Variants in PPP2R2B observed in about 807,000 individuals in gnomAD.
PPP2R2B encodes serine/threonine-protein phosphatase 2A 55 kDa regulatory subunit B beta isoform.
PPP2R2B carries 5 observed loss-of-function variants against 46.0 expected under a neutral mutation model. That is an observed-to-expected ratio of 0.11 (90% CI 0.06 to 0.23). PPP2R2B has a LOEUF of 0.23. Ranked by LOEUF, PPP2R2B falls within the 10% of genes least tolerant of loss-of-function variation. The pLI, the probability that PPP2R2B is intolerant of heterozygous loss-of-function variation, is 1.00. For missense variants in PPP2R2B, 367 were observed against 575.0 expected (o/e 0.64, Z 3.70); for synonymous variants, 215 against 206.7 (o/e 1.04, Z -0.34).
At chr5:146,966,911 T>C (rs754770269) in intron 1 of PPP2R2B, among the ~76,000 whole-genome samples, 2 of 152,164 alleles carry the variant, frequency 1.3e-5, no homozygotes, top group Non-Finnish European at 2.9e-5. Flanking sequence ...GGATCAGTAA[T>C]TTCTAGGGCT....
intron 2 of PPP2R2B, among the ~76,000 whole-genome samples, chr5:146,746,241 A>T (rs1189316129): frequency 6.6e-6 from 1 of 152,208 alleles, no homozygotes; most frequent in African/African-American, 2.4e-5. Context: ...CTGCTGCTTT[A>T]TGGTCTCTCA....
At chr5:146,654,418 T>G (rs1776184162) in intron 5 of PPP2R2B, among the ~76,000 whole-genome samples, 1 of 152,226 alleles carries the variant, frequency 6.6e-6, no homozygotes, top group Non-Finnish European at 1.5e-5. Flanking sequence ...ACTGCCATGT[T>G]TGCAAGTCAA....
intron 2 of PPP2R2B, among the ~76,000 whole-genome samples, chr5:147,061,326 C>T (rs1757250442): frequency 6.6e-6 from 1 of 152,010 alleles, no homozygotes; most frequent in Non-Finnish European, 1.5e-5. Context: ...TCAGGGAAGG[C>T]TTCTTGGAGG....
intron 2 of PPP2R2B, among the ~76,000 whole-genome samples, chr5:146,763,661 T>G (rs990177371): frequency 6.6e-5 from 10 of 152,170 alleles, no homozygotes; most frequent in African/African-American, 2.2e-4. Context: ...GTTAAAAGAA[T>G]GCTTACCAAG....
At chr5:146,772,413 T>TGC (rs1183761581) in intron 2 of PPP2R2B, among the ~76,000 whole-genome samples, 41 of 113,070 alleles carry the variant, frequency 3.6e-4, no homozygotes, top group Admixed American at 3.4e-3. Flanking sequence ...TATATATATA[T>TGC]ATATATATAT....
At chr5:147,000,774 G>A (rs1754134287) in intron 1 of PPP2R2B, among the ~76,000 whole-genome samples, 1 of 151,972 alleles carries the variant, frequency 6.6e-6, no homozygotes, top group Admixed American at 6.6e-5. Context: ...ATAGTGTGTG[G>A]TTTTAGCAGT....
At chr5:146,865,960 T>C (rs1350706782) in intron 2 of PPP2R2B, among the ~76,000 whole-genome samples, 2 of 152,218 alleles carry the variant, frequency 1.3e-5, no homozygotes, top group Non-Finnish European at 2.9e-5. Context: ...ATTAATACTG[T>C]TTGGACCTCT....
rs570996541 is a variant in PPP2R2B at position 146,933,916 on chromosome 5, G to A, written c.79+121749C>T. Among the ~76,000 whole-genome samples the A allele has an allele frequency of 1.6e-4, 23 of 146,414 alleles. No homozygotes were observed. In the East Asian group the frequency reaches 4.1e-3, roughly 26 times the overall value. Reference sequence around the variant, plus strand: ...CTCATTGTTCAATTCCCACCTATGAGTGAGAACATGCGGTGTTTGGTTTTT... The same window carrying A: ...CTCATTGTTCAATTCCCACCTATGAATGAGAACATGCGGTGTTTGGTTTTT... On this transcript the variant is annotated intron_variant, in intron 1 of 8. Transcript: ENST00000336640.
At chr5:146,773,258 A>G (rs1202286519) in intron 2 of PPP2R2B, among the ~76,000 whole-genome samples, 2 of 152,228 alleles carry the variant, frequency 1.3e-5, no homozygotes, top group African/African-American at 4.8e-5. Context: ...CATACTGCAC[A>G]GCCGTTTGCA....
intron 1 of PPP2R2B, among the ~76,000 whole-genome samples, chr5:147,036,474 A>T (rs898422532): frequency 2.0e-5 from 3 of 152,228 alleles, no homozygotes; most frequent in African/African-American, 7.2e-5. Context: ...TGTAATGAAC[A>T]TATACATGCA....
chr5:147,052,493 C>G (rs1268318150), intron 1 of PPP2R2B, among the ~76,000 whole-genome samples: 1 of 152,112 alleles, frequency 6.6e-6, no homozygotes, highest in Non-Finnish European at 1.5e-5. Context: ...AAGTAAGAAA[C>G]CCAGTTCTTT....
chr5:146,945,835 T>C (rs1764462389), intron 1 of PPP2R2B, among the ~76,000 whole-genome samples: 2 of 152,160 alleles, frequency 1.3e-5, no homozygotes, highest in African/African-American at 2.4e-5. Flanking sequence ...AGAAGAACCA[T>C]TGTTTCCAAG....
At chr5:146,898,852 C>T (rs1055318137) in intron 1 of PPP2R2B, among the ~76,000 whole-genome samples, 15 of 139,252 alleles carry the variant, frequency 1.1e-4, no homozygotes, top group Non-Finnish European at 1.8e-4. Context: ...GACATTTATG[C>T]AGCCAAAAAA....
intron 2 of PPP2R2B, among the ~76,000 whole-genome samples, chr5:146,745,651 T>A (rs1232355907): frequency 6.6e-6 from 1 of 152,044 alleles, no homozygotes; most frequent in African/African-American, 2.4e-5. Flanking sequence ...GTAAAGAAAG[T>A]ATGCTTTAAA....
rs770113098 is a variant in PPP2R2B at position 146,593,054 on chromosome 5, G to C, written c.969C>G (p.Asp323Glu). Residue 323 changes from aspartate to glutamate, a missense_variant, in exon 9 of 10, where the codon GAC becomes GAG. Asp to Glu is a conservative substitution (Grantham distance 45, BLOSUM62 2). Transcript: ENST00000394411. Reference sequence around the variant, plus strand: ...GGGAACACAGCTTGCTGCGGAGGTAGTCATGAACCTGGAGAGGAAACATAT... The same window carrying C: ...GGGAACACAGCTTGCTGCGGAGGTACTCATGAACCTGGAGAGGAAACATAT... ...NRPIETYQVH[D>E]YLRSKLCSLY... 4 of 1,612,256 alleles carry C rather than the reference G, an allele frequency of 2.5e-6. No individual in the cohort carries two copies. The highest frequency in any genetic ancestry group is 3.4e-6 in the Non-Finnish European group (4 of 1,178,358).
intron 2 of PPP2R2B, among the ~76,000 whole-genome samples, chr5:146,790,532 C>T (rs946586134): frequency 2.6e-5 from 4 of 152,152 alleles, no homozygotes; most frequent in Admixed American, 1.3e-4. Flanking sequence ...CGCTTAATTA[C>T]GCCAGCAAGG....
At chr5:146,711,879 T>A (rs1261938828) in intron 2 of PPP2R2B, among the ~76,000 whole-genome samples, 2 of 152,168 alleles carry the variant, frequency 1.3e-5, no homozygotes, top group African/African-American at 4.8e-5. Flanking sequence ...TCAAAGAATT[T>A]TTTTTTTCCT....
At chr5:147,016,403 T>C (rs1162002354) in intron 1 of PPP2R2B, among the ~76,000 whole-genome samples, 5 of 151,604 alleles carry the variant, frequency 3.3e-5, no homozygotes, top group Non-Finnish European at 5.9e-5. Flanking sequence ...TATTCCTTTA[T>C]GACTTTGTTT....
intron 1 of PPP2R2B, among the ~76,000 whole-genome samples, chr5:146,971,055 A>G (rs1319730448): frequency 6.6e-6 from 1 of 152,172 alleles, no homozygotes; most frequent in Non-Finnish European, 1.5e-5. Context: ...AAAGCTGCAC[A>G]TTTTAAAATC....
Sources: gnomAD v4.1 joint callset for allele counts (sites outside exome capture counted in the v4.1 genomes callset) on GRCh38, gnomAD v4.1.1 for gene constraint, MANE v1.5 for transcripts, NCBI Gene and HGNC (gene_info 2026-07-23, HGNC 2026-07-21) for gene names.